The following GOLGA3 variants were observed in gnomAD, a reference collection of about 807,000 sequenced individuals.
GOLGA3 encodes the protein golgin A3.
GOLGA3 carries 75 observed loss-of-function variants against 169.4 expected under a neutral mutation model. The observed-to-expected ratio is 0.44, with a 90% CI of 0.37 to 0.54. The LOEUF (loss-of-function observed/expected upper bound fraction) is 0.54. Among genes scored for constraint, GOLGA3 ranks in the 20% least tolerant of loss-of-function variants. The pLI, the probability that GOLGA3 is intolerant of heterozygous loss-of-function variation, is 0.00. For synonymous variants in GOLGA3, 824 were observed against 822.4 expected (o/e 1.00, Z -0.03); for missense variants, 1,899 against 1,930.0 (o/e 0.98, Z 0.30).
chr12:132,813,879 CA>C (rs1949832980), intron 3 of GOLGA3, among the ~76,000 whole-genome samples: 2 of 152,044 alleles, frequency 1.3e-5, no homozygotes, highest in South Asian at 4.2e-4. Context: ...CGCCCGCCAC[CA>C]CGCCTGGCTA....
intron 22 of GOLGA3, 200 bp downstream of exon 22, chr12:132,774,941 A>C (rs1043151624): frequency 1.8e-6 from 1 of 571,288 alleles, no homozygotes; most frequent in Non-Finnish European, 3.1e-6. Flanking sequence ...TCACAGAACG[A>C]GGAAAACACT....
chr12:132,820,075 G>C (rs1950146304), intron 2 of GOLGA3, among the ~76,000 whole-genome samples: 1 of 152,090 alleles, frequency 6.6e-6, no homozygotes, highest in Non-Finnish European at 1.5e-5. Flanking sequence ...TACTCAGGAG[G>C]CTGAGGCAGA....
intron 2 of GOLGA3, among the ~76,000 whole-genome samples, chr12:132,821,189 C>G (rs1950194421): frequency 6.7e-6 from 1 of 149,144 alleles, no homozygotes; most frequent in Admixed American, 6.7e-5. Context: ...GGCGGATCAC[C>G]TGAGGTTGGG....
chr12:132,786,289 T>C (rs764697813), intron 15 of GOLGA3, 50 bp downstream of exon 15: 4 of 1,300,502 alleles, frequency 3.1e-6, no homozygotes, highest in Admixed American at 4.0e-5. Context: ...AGCCCTTCCC[T>C]GCACTGAGGG....
In GOLGA3 at chr12:132,777,756, G is replaced by T; in HGVS notation, c.3632C>A (p.Ala1211Glu). ...CACCTCACTCAGCTCCAAGGAGGCCGCCTTGAAGTGGCGGCGGTTATGCCC... is the reference window on the plus strand; with the variant it reads ...CACCTCACTCAGCTCCAAGGAGGCCTCCTTGAAGTGGCGGCGGTTATGCCC... ...EAGHNRRHFK[A>E]ASLELSEVKK... Residue 1211 changes from alanine (A) to glutamate (E), a missense_variant, in exon 19 of 24, where the codon GCG becomes GAG. Transcript: ENST00000450791. This position sits in a 1 kb window ranked among gnomAD's most constrained non-coding sequence, Gnocchi z 4.7. The T allele has an allele frequency of 6.2e-7, 1 of 1,614,014 alleles. No individual in the cohort carries two copies. The highest frequency in any genetic ancestry group is 8.5e-7 in the Non-Finnish European group (1 of 1,179,978).
chr12:132,808,933 G>A lies in GOLGA3; in HGVS notation c.520-384C>T, dbSNP rs1249592693. Among the ~76,000 whole-genome samples, 3 of 152,204 alleles carry A rather than the reference G, an allele frequency of 2.0e-5. No homozygotes were observed. The East Asian group carries it at 5.8e-4, about 29-fold the overall frequency. On this transcript the variant is annotated intron_variant, in intron 4 of 23. Coordinates refer to ENST00000450791, the MANE Select transcript of GOLGA3 (RefSeq NM_001389683.1). ...TAGAAATAAAGACACAAGACAAAGA[G>A]ACAAGAGAAAAGGCAGCTGGGCCTG...
At chr12:132,795,204 A>C (rs1948772845) in intron 11 of GOLGA3, among the ~76,000 whole-genome samples, 1 of 152,080 alleles carries the variant, frequency 6.6e-6, no homozygotes, top group Non-Finnish European at 1.5e-5. Context: ...AAAAAAAGAA[A>C]AAAGGGGTCG....
chr12:132,790,742 G>A (rs574289298), intron 12 of GOLGA3, among the ~76,000 whole-genome samples: 112 of 151,906 alleles, frequency 7.4e-4, no homozygotes, highest in African/African-American at 2.5e-3. Context: ...TGCAGATTAA[G>A]TACCTTTAAA....
In GOLGA3 at chr12:132,795,937, C is replaced by A. The variant is rs758634916; in HGVS notation, c.2384G>T (p.Gly795Val). ...AKSGKEELDR[G>V]ARRLEEGTEE... ...GGTACCTTCTTCCAAGCGTCTTGCTCCTCTGTCAAGCTCCTCCTTGCCACT... is the reference window on the plus strand; with the variant it reads ...GGTACCTTCTTCCAAGCGTCTTGCTACTCTGTCAAGCTCCTCCTTGCCACT... Residue 795 changes from glycine to valine, a missense_variant, in exon 11 of 24, where the codon GGA (glycine) becomes GTA (valine). Gly to Val is a moderately radical substitution (Grantham distance 109). Coordinates refer to ENST00000450791, the MANE Select transcript of GOLGA3 (RefSeq NM_001389683.1). 2 of 1,614,048 alleles carry A rather than the reference C, an allele frequency of 1.2e-6. No homozygotes were observed. Among genetic ancestry groups the A allele is most frequent in the East Asian group, 2.2e-5 (1 of 44,902 alleles).
rs945809990 is a variant in GOLGA3 at position 132,805,078 on chromosome 12, G to A, written c.1291-56C>T. 1.6e-5 allele frequency: 25 copies of A among 1,552,170 alleles called. No individual in the cohort carries two copies. In the East Asian group the frequency reaches 5.4e-4, roughly 34 times the overall value. ...TAAGAAAACGAGTCACTTCCATCCA[G>A]TGTATTAACAGGAACACAACCAGCG... On this transcript the variant is annotated intron_variant, in intron 6 of 23. Coordinates refer to ENST00000450791, the MANE Select transcript of GOLGA3 (RefSeq NM_001389683.1).
At chr12:132,797,832 G>T (rs1011912026) in intron 9 of GOLGA3, among the ~76,000 whole-genome samples, 3 of 152,248 alleles carry the variant, frequency 2.0e-5, no homozygotes, top group Non-Finnish European at 2.9e-5. Context: ...GCAGGCAGCG[G>T]CCATGACCTC....
At chr12:132,779,686 A>G (rs1271143715) in intron 18 of GOLGA3, among the ~76,000 whole-genome samples, 1 of 152,114 alleles carries the variant, frequency 6.6e-6, no homozygotes, top group Non-Finnish European at 1.5e-5. Flanking sequence ...GAAATTTTCT[A>G]CATATACATC....
At chr12:132,820,652 G>A (rs558746691) in intron 2 of GOLGA3, among the ~76,000 whole-genome samples, 1 of 152,296 alleles carries the variant, frequency 6.6e-6, no homozygotes, top group African/African-American at 2.4e-5. Context: ...CCAGGAAGAG[G>A]CATGAGAACT....
intron 12 of GOLGA3, among the ~76,000 whole-genome samples, chr12:132,790,195 G>A (rs563842579): frequency 6.6e-6 from 1 of 152,232 alleles, no homozygotes; most frequent in South Asian, 2.1e-4. Flanking sequence ...TTAGTCGGGC[G>A]TGGTGGCCGG....
Position 132,798,326 on chromosome 12 carries a change from G to A in GOLGA3, c.1938+14C>T, listed in dbSNP as rs370171791. Reference sequence around the variant, plus strand: ...TGTTCTCCTAAGCTTCCACGGCCCCGGCCGCAGCCTCACCTCAATGCCCTG... The same window carrying A: ...TGTTCTCCTAAGCTTCCACGGCCCCAGCCGCAGCCTCACCTCAATGCCCTG... On this transcript the variant is annotated intron_variant, in intron 9 of 23. Transcript: ENST00000450791. The A allele has an allele frequency of 6.8e-5, 108 of 1,594,646 alleles. No homozygotes were observed. The highest frequency in any genetic ancestry group is 1.5e-4 in the Admixed American group (8 of 54,902).
At chr12:132,828,718 G>A (rs1017822637) in intron 1 of GOLGA3, 85 bp downstream of exon 1, 1 of 4,124 alleles carries the variant, frequency 2.4e-4, no homozygotes, top group Non-Finnish European at 1.4e-3. Context: ...GCCGCCCCTC[G>A]AGCCTCCCCC....
chr12:132,773,955 C>G (rs2045065869), intron 23 of GOLGA3, among the ~76,000 whole-genome samples: 1 of 151,300 alleles, frequency 6.6e-6, no homozygotes, highest in Admixed American at 6.6e-5. Context: ...AGTCCTTCCC[C>G]CTTTATATAA....
At chr12:132,811,622 G>A (rs539545707) in intron 4 of GOLGA3, among the ~76,000 whole-genome samples, 308 of 151,744 alleles carry the variant, frequency 2.0e-3, no homozygotes, top group African/African-American at 6.9e-3. Context: ...CATCACATCC[G>A]GCTAATTTTT....
chr12:132,823,105 C>G (rs1294280447), intron 1 of GOLGA3, among the ~76,000 whole-genome samples: 1 of 152,190 alleles, frequency 6.6e-6, no homozygotes, highest in Non-Finnish European at 1.5e-5. Context: ...ACAGGGTGTA[C>G]AAGGACACCA....
Sources: allele counts gnomAD v4.1 joint callset (sites outside exome capture counted in the v4.1 genomes callset), GRCh38; gene constraint gnomAD v4.1.1; non-coding constraint Gnocchi (gnomAD v3.1); transcripts MANE v1.5; gene names NCBI Gene and HGNC (gene_info 2026-07-23, HGNC 2026-07-21).